The following ANKH variants were observed in gnomAD, a reference collection of about 807,000 sequenced individuals.
The protein encoded by ANKH is mineralization regulator ANKH.
Under a neutral mutation model 49.0 loss-of-function variants are expected in ANKH, and 15 were observed. That is an observed-to-expected ratio of 0.31 (90% confidence interval 0.20 to 0.47). ANKH has a LOEUF of 0.47. Ranked by LOEUF, ANKH falls within the 20% of genes least tolerant of loss-of-function variation. The pLI is 1.00. For synonymous variants in ANKH, 273 were observed against 260.0 expected (o/e 1.05, Z -0.48); for missense variants, 429 against 652.0 (o/e 0.66, Z 3.72).
At chr5:14,716,328 A>C (rs1317259848) in intron 9 of ANKH, among the ~76,000 whole-genome samples, 1 of 152,184 alleles carries the variant, frequency 6.6e-6, no homozygotes, top group African/African-American at 2.4e-5. Flanking sequence ...CCCCGTCTCT[A>C]CTAAAAATAC....
chr5:14,798,123 A>C, intron 1 of ANKH: 2 of 1,550,144 alleles, frequency 1.3e-6, no homozygotes, highest in East Asian at 4.5e-5. Context: ...TGATGCATCA[A>C]ACTGAGCATC....
chr5:14,711,405 C>A (rs1315286697), intron 11 of ANKH, 95 bp from the exon 12 acceptor site: 2 of 1,072,028 alleles, frequency 1.9e-6, no homozygotes, highest in Non-Finnish European at 2.9e-6. Flanking sequence ...TCTTGGGGGA[C>A]CCCTCACTGT....
chr5:14,842,003 T>C (rs1741828291), intron 1 of ANKH, among the ~76,000 whole-genome samples: 1 of 152,106 alleles, frequency 6.6e-6, no homozygotes, highest in African/African-American at 2.4e-5. Context: ...ATAAAAAGGA[T>C]TCGTTCTTTA....
At chr5:14,716,999 C>G in intron 8 of ANKH, 164 bp from the exon 9 acceptor site, 1 of 810,274 alleles carries the variant, frequency 1.2e-6, no homozygotes, top group South Asian at 1.5e-5. Context: ...TTGCTTGACT[C>G]TCTTCTGACC....
At chr5:14,757,426 ATATATT>A (rs1177381752) in intron 3 of ANKH, among the ~76,000 whole-genome samples, 1 of 130,132 alleles carries the variant, frequency 7.7e-6, no homozygotes, top group Non-Finnish European at 1.6e-5. Flanking sequence ...ATATATATAT[ATATATT>A]TTTTTTTTTT....
rs1738715016 is a variant in ANKH, at chr5:14,751,451, T to TA, written c.517-213_517-212insT. 2.0e-5 allele frequency among the ~76,000 whole-genome samples: 3 copies of TA among 152,240 alleles called. No individual in the cohort carries two copies. The South Asian group carries it at 6.2e-4, about 31-fold the overall frequency. ...GATTCACTGGAGGAACATGGATCATTTTGTTATACCCACCATGAAAATTCT... is the reference window on the plus strand; with the variant it reads ...GATTCACTGGAGGAACATGGATCATTATTGTTATACCCACCATGAAAATTCT... On this transcript the variant is annotated intron_variant, in intron 4 of 11. Coordinates refer to ENST00000284268, the MANE Select transcript of ANKH (RefSeq NM_054027.6).
intron 1 of ANKH, among the ~76,000 whole-genome samples, chr5:14,791,513 T>C (rs1276041310): frequency 1.3e-5 from 2 of 152,210 alleles, no homozygotes; most frequent in South Asian, 2.1e-4. Context: ...TTTCTTTTTA[T>C]ACAAATGGTT....
intron 6 of ANKH, among the ~76,000 whole-genome samples, chr5:14,747,599 A>G (rs551781101): frequency 6.6e-6 from 1 of 152,292 alleles, no homozygotes; most frequent in African/African-American, 2.4e-5. Flanking sequence ...TTTCTTCCCT[A>G]TGTGAATGAA....
At chr5:14,784,257 G>C (rs1236778893) in intron 1 of ANKH, among the ~76,000 whole-genome samples, 2 of 152,190 alleles carry the variant, frequency 1.3e-5, no homozygotes, top group African/African-American at 2.4e-5. Flanking sequence ...CCATGATGTG[G>C]ATAAGGAAAT....
chr5:14,731,030 C>T (rs1737982724), intron 8 of ANKH, among the ~76,000 whole-genome samples: 1 of 152,202 alleles, frequency 6.6e-6, no homozygotes, highest in Non-Finnish European at 1.5e-5. Context: ...CAGCAGCCAC[C>T]AAGGCAAAGC....
intron 9 of ANKH, among the ~76,000 whole-genome samples, chr5:14,714,514 C>A (rs1737370208): frequency 6.6e-6 from 1 of 152,174 alleles, no homozygotes; most frequent in South Asian, 2.1e-4. Flanking sequence ...AGGAAGTGCT[C>A]ATTCCTGGGA....
intron 8 of ANKH, among the ~76,000 whole-genome samples, chr5:14,728,231 G>A (rs1737882119): frequency 6.6e-6 from 1 of 152,248 alleles, no homozygotes; most frequent in Non-Finnish European, 1.5e-5. Context: ...CTTATTAGCT[G>A]AGGAGGACAC....
intron 1 of ANKH, among the ~76,000 whole-genome samples, chr5:14,829,224 T>C (rs1187287056): frequency 1.4e-5 from 2 of 147,516 alleles, no homozygotes; most frequent in Non-Finnish European, 3.0e-5. Flanking sequence ...TTTCAAAGCA[T>C]GGACCTCTAC....
At chr5:14,854,727 C>T (rs1561085585) in intron 1 of ANKH, among the ~76,000 whole-genome samples, 1 of 152,070 alleles carries the variant, frequency 6.6e-6, no homozygotes, top group Admixed American at 6.5e-5. Context: ...GCATCATCAC[C>T]TGCCCCAGCC....
intron 1 of ANKH, among the ~76,000 whole-genome samples, chr5:14,784,136 G>A (rs542828880): frequency 2.6e-5 from 4 of 152,280 alleles, no homozygotes; most frequent in East Asian, 1.9e-4. Flanking sequence ...TTACATAGGC[G>A]GTACTGCACA....
intron 1 of ANKH, among the ~76,000 whole-genome samples, chr5:14,833,589 T>C (rs779770320): frequency 4.6e-5 from 7 of 152,168 alleles, no homozygotes; most frequent in Non-Finnish European, 1.0e-4. Context: ...CTACCTTAAG[T>C]ATTCAGGGTG....
chr5:14,795,241 A>T (rs1168976573), intron 1 of ANKH, among the ~76,000 whole-genome samples: 1 of 152,236 alleles, frequency 6.6e-6, no homozygotes, highest in East Asian at 1.9e-4. Flanking sequence ...GGTAGTCAGC[A>T]AAAAGAGAGT....
intron 1 of ANKH, among the ~76,000 whole-genome samples, chr5:14,821,214 G>A (rs1741189421): frequency 6.6e-6 from 1 of 152,072 alleles, no homozygotes; most frequent in Admixed American, 6.5e-5. Flanking sequence ...AGTTAATTCT[G>A]AGAACATGCC....
intron 4 of ANKH, among the ~76,000 whole-genome samples, chr5:14,754,305 A>G (rs987225755): frequency 6.6e-6 from 1 of 150,844 alleles, no homozygotes; most frequent in African/African-American, 2.4e-5. Flanking sequence ...TTGGATGGGT[A>G]CTATGTTTAT....
Sources: gnomAD v4.1 joint callset for allele counts (sites outside exome capture counted in the v4.1 genomes callset) on GRCh38, gnomAD v4.1.1 for gene constraint, MANE v1.5 for transcripts, NCBI Gene and HGNC (gene_info 2026-07-23, HGNC 2026-07-21) for gene names.